The following C1QTNF12 variants were observed in gnomAD, a reference collection of about 807,000 sequenced individuals.
C1QTNF12 encodes the protein C1q and TNF related 12, also known as adipolin.
C1QTNF12 carries 39 observed loss-of-function variants against 34.3 expected under a neutral mutation model. The ratio of observed to expected loss-of-function variants is 1.14; its 90% CI spans 0.88 to 1.49. C1QTNF12 has a LOEUF of 1.49. Among genes scored for constraint, C1QTNF12 ranks in the 40% most tolerant of loss-of-function variants. The pLI is 0.00. For synonymous variants in C1QTNF12, 220 were observed against 196.9 expected (o/e 1.12, Z -0.98); for missense variants, 497 against 424.7 (o/e 1.17, Z -1.50).
In C1QTNF12 at chr1:1,244,243, A is replaced by G; in HGVS notation, c.327T>C (p.Gly109=). The change falls in exon 3 of 8, where the codon GGT becomes GGC. Residue 109 remains glycine (G), a synonymous_variant. Transcript: ENST00000330388. ...GCAGAGTCTCCGCGGTCACTTCTGCACCTGGAGGTCCTGGGGGACCGAAGA... is the reference window on the plus strand; with the variant it reads ...GCAGAGTCTCCGCGGTCACTTCTGCGCCTGGAGGTCCTGGGGGACCGAAGA... ...RDLFGPPGPP[G]AEVTAETLLH... 6.3e-7 allele frequency: 1 copy of G among 1,598,276 alleles called. No homozygotes were observed. Among genetic ancestry groups the G allele is most frequent in the Non-Finnish European group, 8.5e-7 (1 of 1,172,360 alleles).
At chr1:1,246,846 C>T (rs1638906767), upstream of C1QTNF12, 3 of 450,516 alleles carry the variant, frequency 6.7e-6, no homozygotes, top group Non-Finnish European at 1.0e-5. This position sits in a 1 kb window ranked among gnomAD's most constrained non-coding sequence, Gnocchi z 4.5. Flanking sequence ...GGAACGGCGG[C>T]GCGACGGCGC....
intron 1 of C1QTNF12, among the ~76,000 whole-genome samples, chr1:1,245,884 G>A (rs978289532): frequency 1.3e-5 from 2 of 152,218 alleles, no homozygotes; most frequent in African/African-American, 4.8e-5. Flanking sequence ...TGGGGCCCAC[G>A]ACGGCGGCAG....
chr1:1,243,650 G>A (rs111673713), intron 4 of C1QTNF12, 98 bp from the exon 5 acceptor site: 103,148 of 1,035,414 alleles, frequency 0.1, 5,663 homozygotes, highest in East Asian at 0.17. Flanking sequence ...CCCCTCACTC[G>A]GAGCAGCTCT....
In C1QTNF12 at chr1:1,244,467, CG is replaced by C; in HGVS notation, c.207del (p.Asp70ThrfsTer4). 1 of 1,611,812 alleles carries C rather than the reference CG, an allele frequency of 6.2e-7. No homozygotes were observed. The highest frequency in any genetic ancestry group is 1.1e-5 in the South Asian group (1 of 91,078). Reference sequence around the variant, plus strand: ...AAGTTCAGCCATGTCATGTGGGCGTCGGAGAACTCAGGTCCTGAGGCCTGGG... The same window carrying C: ...AAGTTCAGCCATGTCATGTGGGCGTCGAGAACTCAGGTCCTGAGGCCTGGG... ...KPSQASGPEF[S>X]DAHMTWLNFV... On this transcript the variant is annotated frameshift_variant, in exon 2 of 8. Coordinates refer to ENST00000330388, the MANE Select transcript of C1QTNF12 (RefSeq NM_001014980.3). LOFTEE classifies it high-confidence loss of function.
chr1:1,246,406 C>A lies in C1QTNF12; in HGVS notation c.177+108G>T. The A allele has an allele frequency of 1.0e-6, 1 of 1,001,816 alleles. No homozygotes were observed. Among genetic ancestry groups the A allele is most frequent in the Non-Finnish European group, 1.3e-6 (1 of 779,630 alleles). The allele number at this position is 1,001,816 out of a possible 1,614,324, so 62.1% of individuals were successfully genotyped here. ...ACCGTGGCCGAGGCCTCGAAAAGGG[C>A]GACCCGGAGGCAGAGCCGGCAGGGA... On this transcript the variant is annotated intron_variant, in intron 1 of 7. Coordinates refer to ENST00000330388, the MANE Select transcript of C1QTNF12 (RefSeq NM_001014980.3). This position sits in a 1 kb window ranked among gnomAD's most constrained non-coding sequence, Gnocchi z 4.5.
Position 1,244,094 on chromosome 1 carries a change from G to T in C1QTNF12, c.391C>A (p.Arg131Ser). 1 of 1,583,918 alleles carries T rather than the reference G, an allele frequency of 6.3e-7. No homozygotes were observed. The highest frequency in any genetic ancestry group is 8.6e-7 in the Non-Finnish European group (1 of 1,165,264). Residue 131 changes from arginine to serine, a missense_variant, in exon 4 of 8, where the codon CGC (arginine) becomes AGC (serine). Transcript: ENST00000330388. ...GGGTCCAGAAGCCCTGAGAACCGGC[G>T]CTCCGTGGCCTCTGTGGGGAGGAGG... ...FQELLKEATE[R>S]RFSGLLDPLL...
chr1:1,245,527 G>A (rs1638872478), intron 1 of C1QTNF12, among the ~76,000 whole-genome samples: 1 of 151,522 alleles, frequency 6.6e-6, no homozygotes, highest in Non-Finnish European at 1.5e-5. Context: ...CACCCTGCAG[G>A]GTCTCTGGAG....
intron 4 of C1QTNF12, among the ~76,000 whole-genome samples, 195 bp downstream of exon 4, chr1:1,243,759 T>A (rs1022392290): frequency 2.6e-5 from 4 of 152,042 alleles, no homozygotes; most frequent in Non-Finnish European, 5.9e-5. Flanking sequence ...GGACCCACGC[T>A]CCGTCTGGGC....
chr1:1,242,677 A>G, intron 7 of C1QTNF12, 31 bp from the exon 8 acceptor site: 1 of 1,571,798 alleles, frequency 6.4e-7, no homozygotes, highest in Non-Finnish European at 8.6e-7. Context: ...TCACAACCGC[A>G]GCCACAGCCC....
chr1:1,244,244 C>A lies in C1QTNF12; in HGVS notation c.326G>T (p.Gly109Val), dbSNP rs1413565103. Residue 109 changes from glycine to valine, a missense_variant, in exon 3 of 8, where the codon GGT becomes GTT. Physicochemically the swap from Gly to Val is moderately radical, Grantham distance 109 (BLOSUM62 -3). Transcript: ENST00000330388. ...CAGAGTCTCCGCGGTCACTTCTGCA[C>A]CTGGAGGTCCTGGGGGACCGAAGAG... ...RDLFGPPGPP[G>V]AEVTAETLLH... 2 of 1,597,536 alleles carry A rather than the reference C, an allele frequency of 1.3e-6. No homozygotes were observed. Among genetic ancestry groups the A allele is most frequent in the Admixed American group, 1.7e-5 (1 of 57,616 alleles).
chr1:1,244,651 C>T (rs72894066), intron 1 of C1QTNF12, 154 bp from the exon 2 acceptor site: 5 of 635,112 alleles, frequency 7.9e-6, no homozygotes, highest in African/African-American at 5.4e-5. Context: ...AGAACCCTGA[C>T]GTCCCAATGC....
intron 5 of C1QTNF12, 24 bp downstream of exon 5, chr1:1,243,420 A>G (rs747579965): frequency 3.3e-5 from 51 of 1,541,118 alleles, no homozygotes; most frequent in Non-Finnish European, 4.5e-5. Flanking sequence ...GTCACAGCAC[A>G]CGGCACTGCC....
chr1:1,245,693 C>A (rs1247589878), intron 1 of C1QTNF12, among the ~76,000 whole-genome samples: 1 of 152,204 alleles, frequency 6.6e-6, no homozygotes, highest in African/African-American at 2.4e-5. Flanking sequence ...GCCGCGGCCT[C>A]AACCCTCCTC....
rs777296011 is a variant in C1QTNF12 at position 1,244,017 on chromosome 1, G to T, written c.468C>A (p.Cys156Ter). 4 of 1,599,604 alleles carry T rather than the reference G, an allele frequency of 2.5e-6. No individual in the cohort carries two copies. In the South Asian group the frequency reaches 3.4e-5, roughly 13 times the overall value. The change falls in exon 4 of 8, where the codon TGC (cysteine) becomes TGA (stop). Residue 156 changes from cysteine to a stop codon, truncating the protein, a stop_gained. Coordinates refer to ENST00000330388, the MANE Select transcript of C1QTNF12 (RefSeq NM_001014980.3). LOFTEE classifies it high-confidence loss of function. ...GLRLVGEAFH[C>*]RLQGPRRVDK... is the part of the protein sequence containing the mutation. Reference sequence around the variant, plus strand: ...CCACCCGGCGGGGACCCTGCAGCCGGCAGTGAAAGGCCTCGCCCACCAGCC... The same window carrying T: ...CCACCCGGCGGGGACCCTGCAGCCGTCAGTGAAAGGCCTCGCCCACCAGCC...
rs779655668 is a variant in C1QTNF12, at chr1:1,244,197, G to T, written c.373C>A (p.Leu125Met). The change falls in exon 3 of 8, where the codon CTG (leucine) becomes ATG (methionine). Residue 125 changes from leucine to methionine, a missense_variant. Transcript: ENST00000330388. ...ETLLHEFQEL[L>M]KEATERRFSG... ...GCAGTGCAGGGCGGCTGACCTTTCA[G>T]CAGCTCCTGAAACTCGTGAAGCAGA... 6.3e-7 allele frequency: 1 copy of T among 1,587,304 alleles called. No individual in the cohort carries two copies. Among genetic ancestry groups the T allele is most frequent in the Non-Finnish European group, 8.6e-7 (1 of 1,167,004 alleles).
intron 1 of C1QTNF12, chr1:1,244,737 C>A: frequency 2.1e-6 from 1 of 486,700 alleles, no homozygotes; most frequent in East Asian, 3.4e-5. Context: ...ACTCCTCCCC[C>A]ACTCCTCCCC....
At chr1:1,245,446 G>A (rs976223662) in intron 1 of C1QTNF12, among the ~76,000 whole-genome samples, 8 of 150,354 alleles carry the variant, frequency 5.3e-5, no homozygotes, top group African/African-American at 1.7e-4. Context: ...GCCCAACCCT[G>A]GAAGCCTGGA....
At position 1,243,997 on chromosome 1, in the gene C1QTNF12, C is replaced by A. The variant is rs755988091; in HGVS notation, c.488G>T (p.Arg163Leu). 1 of 1,606,418 alleles carries A rather than the reference C, an allele frequency of 6.2e-7. No individual in the cohort carries two copies. The change falls in exon 4 of 8, where the codon CGG (arginine) becomes CTG (leucine). Residue 163 changes from arginine (R) to leucine (L), a missense_variant. By Grantham distance (102) the Arg-to-Leu change is moderately radical (BLOSUM62 -2). Transcript: ENST00000330388. ...AFHCRLQGPR[R>L]VDKRTLVELH... Reference sequence around the variant, plus strand: ...CTCCACCAGCGTCCGCTTGTCCACCCGGCGGGGACCCTGCAGCCGGCAGTG... The same window carrying A: ...CTCCACCAGCGTCCGCTTGTCCACCAGGCGGGGACCCTGCAGCCGGCAGTG...
chr1:1,245,706 C>G (rs1423650870), intron 1 of C1QTNF12, among the ~76,000 whole-genome samples: 1 of 152,232 alleles, frequency 6.6e-6, no homozygotes, highest in African/African-American at 2.4e-5. Flanking sequence ...CCCTCCTCAG[C>G]CTTCCCATCT....
Sources: allele counts gnomAD v4.1 joint callset (sites outside exome capture counted in the v4.1 genomes callset), GRCh38; gene constraint gnomAD v4.1.1; non-coding constraint Gnocchi (gnomAD v3.1); transcripts MANE v1.5; gene names NCBI Gene and HGNC (gene_info 2026-07-23, HGNC 2026-07-21).